The following PIEZO2 variants were observed in gnomAD, a reference collection of about 807,000 sequenced individuals.
The protein encoded by PIEZO2 is piezo-type mechanosensitive ion channel component 2.
A neutral mutation model predicts 337.3 loss-of-function variants in PIEZO2; 172 were observed. The observed-to-expected ratio is 0.51, with a 90% CI of 0.45 to 0.58. The LOEUF is 0.58. Among genes scored for constraint, PIEZO2 ranks in the 20% least tolerant of loss-of-function variants. The probability of loss-of-function intolerance (pLI) is 0.00; values close to 1 mark genes in which losing one functional copy is unlikely to be tolerated. For synonymous variants in PIEZO2, 1,251 were observed against 1,228.5 expected (o/e 1.02, Z -0.38); for missense variants, 3,028 against 3,391.3 (o/e 0.89, Z 2.66).
chr18:10,916,421 C>G (rs1261979486), intron 3 of PIEZO2, among the ~76,000 whole-genome samples: 1 of 152,162 alleles, frequency 6.6e-6, no homozygotes, highest in East Asian at 1.9e-4. Flanking sequence ...GGTCCGGAGC[C>G]CTTCCTCGAG....
rs1464449926 is a variant in PIEZO2, at chr18:10,744,192, T to C, written c.4464A>G (p.Val1488=). The C allele has an allele frequency of 6.5e-7, 1 of 1,537,028 alleles. No individual in the cohort carries two copies. The highest frequency in any genetic ancestry group is 1.2e-5 in the South Asian group (1 of 84,046). The stretch of plus-strand genomic sequence containing the variant: ...TCTTCTCTTCCTCAATTCTTGCCTT[T>C]ACAGCTTTTACAATTGTGGCCTGGA... ...ELFQATIVKA[V]KARIEEEKKS... is the part of the protein sequence containing the mutation. Residue 1488 remains valine (V), a synonymous_variant, in exon 31 of 56, where the codon GTA becomes GTG. Transcript: ENST00000674853.
Position 10,758,043 on chromosome 18 carries a change from AT to A in PIEZO2, c.3848del (p.Asn1283MetfsTer6). 1 of 1,537,208 alleles carries A rather than the reference AT, an allele frequency of 6.5e-7. No homozygotes were observed. Among genetic ancestry groups the A allele is most frequent in the African/African-American group, 1.4e-5 (1 of 73,106 alleles). ...KAAVRIMAGD[N>X]VEICMNLDAA... ...CATCAAGGTTCATGCAGATCTCGACATTGTCACCTGCCATGATTCGCACTGC... is the reference window on the plus strand; with the variant it reads ...CATCAAGGTTCATGCAGATCTCGACATGTCACCTGCCATGATTCGCACTGC... On this transcript the variant is annotated frameshift_variant, in exon 27 of 56. Transcript: ENST00000674853. LOFTEE classifies it high-confidence loss of function.
At position 10,848,396 on chromosome 18, in the gene PIEZO2, C is replaced by T. The variant is rs556128018; in HGVS notation, c.917+6957G>A. Among the ~76,000 whole-genome samples, 73 of 152,226 alleles carry T rather than the reference C, an allele frequency of 4.8e-4. No homozygotes were observed. The South Asian group carries it at 0.014, about 29-fold the overall frequency. ...GCTAGAATTTGAGGTTTTGCTGTTT[C>T]TTATTTTACATTGTTTTAACATTGA... On this transcript the variant is annotated intron_variant, in intron 7 of 55. Transcript: ENST00000674853.
chr18:11,046,736 T>C (rs1181808464), intron 2 of PIEZO2, among the ~76,000 whole-genome samples: 2 of 152,222 alleles, frequency 1.3e-5, no homozygotes, highest in African/African-American at 4.8e-5. Context: ...GTCGACCATT[T>C]AGTTCTGCAC....
chr18:10,762,408 AT>A, intron 23 of PIEZO2, 91 bp downstream of exon 23: 1 of 1,421,722 alleles, frequency 7.0e-7, no homozygotes, highest in Non-Finnish European at 9.3e-7. Flanking sequence ...TATGGTTACT[AT>A]CAAATGTGAT....
At chr18:10,919,337 T>C (rs2031231161) in intron 3 of PIEZO2, among the ~76,000 whole-genome samples, 1 of 152,130 alleles carries the variant, frequency 6.6e-6, no homozygotes, top group Admixed American at 6.5e-5. Context: ...CTGATGAATG[T>C]TTATCATGAT....
chr18:10,871,968 T>G (rs1255259489), intron 4 of PIEZO2, among the ~76,000 whole-genome samples: 1 of 152,176 alleles, frequency 6.6e-6, no homozygotes. Context: ...CTTAGAAGAT[T>G]TGAGTTCAAG....
chr18:10,833,505 T>C lies in PIEZO2; in HGVS notation c.917+21848A>G, dbSNP rs2040915117. On this transcript the variant is annotated intron_variant, in intron 7 of 55. Transcript: ENST00000674853. This position sits in a 1 kb window ranked among gnomAD's most constrained non-coding sequence, Gnocchi z 4.7. ...GGCAGCTCGCTCCCCGGTGGGTTTTTATTTCTGTTGGAGTTCAGAATAACC... is the reference window on the plus strand; with the variant it reads ...GGCAGCTCGCTCCCCGGTGGGTTTTCATTTCTGTTGGAGTTCAGAATAACC... Among the ~76,000 whole-genome samples the C allele has an allele frequency of 6.6e-6, 1 of 152,070 alleles. No homozygotes were observed. Among genetic ancestry groups the C allele is most frequent in the Admixed American group, 6.5e-5 (1 of 15,270 alleles).
At chr18:10,831,298 G>T (rs925682314) in intron 7 of PIEZO2, among the ~76,000 whole-genome samples, 17 of 152,228 alleles carry the variant, frequency 1.1e-4, no homozygotes, top group African/African-American at 4.1e-4. Flanking sequence ...CAGATGAATG[G>T]ATAAAGAAAA....
chr18:10,937,950 C>T (rs765928822), intron 3 of PIEZO2, among the ~76,000 whole-genome samples: 20 of 152,098 alleles, frequency 1.3e-4, no homozygotes, highest in African/African-American at 4.6e-4. Flanking sequence ...TTTCAGAGAA[C>T]GGAGTAGAGA....
chr18:11,006,905 T>C (rs933698644), intron 2 of PIEZO2, among the ~76,000 whole-genome samples: 13 of 152,218 alleles, frequency 8.5e-5, no homozygotes, highest in African/African-American at 2.9e-4. Flanking sequence ...CATGGGTACA[T>C]AATAGTTTGA....
intron 7 of PIEZO2, among the ~76,000 whole-genome samples, chr18:10,814,216 G>T (rs561352026): frequency 6.6e-6 from 1 of 151,920 alleles, no homozygotes. Context: ...TGATCTGCCC[G>T]CCTTGGCCTC....
At position 10,861,576 on chromosome 18, in the gene PIEZO2, GA is replaced by G. The variant is rs1178830553; in HGVS notation, c.493-4366del. On this transcript the variant is annotated intron_variant, in intron 5 of 55. Coordinates refer to ENST00000674853, the MANE Select transcript of PIEZO2 (RefSeq NM_001378183.1). This position sits in a 1 kb window ranked among gnomAD's most constrained non-coding sequence, Gnocchi z 4.3. ...GTTGCACTGATAGAAGTAGAGAGTA[GA>G]GGGGTAGTTACCAGAGGCTGGGGAA... is the stretch of plus-strand genomic sequence containing the variant. Among the ~76,000 whole-genome samples, 1 of 152,232 alleles carries G rather than the reference GA, an allele frequency of 6.6e-6. No homozygotes were observed. Among genetic ancestry groups the G allele is most frequent in the Non-Finnish European group, 1.5e-5 (1 of 68,040 alleles).
At chr18:10,823,579 A>G (rs1314241519) in intron 7 of PIEZO2, among the ~76,000 whole-genome samples, 3 of 152,360 alleles carry the variant, frequency 2.0e-5, no homozygotes, top group South Asian at 2.1e-4. Flanking sequence ...ATCCTCAAAT[A>G]TGCTTAGTTT....
intron 36 of PIEZO2, among the ~76,000 whole-genome samples, chr18:10,719,736 G>A (rs1049684075): frequency 6.6e-6 from 1 of 152,108 alleles, no homozygotes; most frequent in Non-Finnish European, 1.5e-5. Context: ...CTGCTGGATT[G>A]AAGGGTAGTT....
In PIEZO2 at chr18:10,741,097, C is replaced by T; in HGVS notation, c.4642G>A (p.Ala1548Thr). ...TTGCCCTTGGCTTTCTGTTTGTCTG[C>T]TTCTCCTAAAATAAAATACGTCCAC... ...KLSEEDDERE[A>T]DKQKAKGKKK... The change falls in exon 33 of 56, where the codon GCA becomes ACA. Residue 1548 changes from alanine to threonine, a missense_variant. Transcript: ENST00000674853. The T allele has an allele frequency of 6.5e-7, 1 of 1,535,276 alleles. No individual in the cohort carries two copies. Among genetic ancestry groups the T allele is most frequent in the South Asian group, 1.2e-5 (1 of 83,728 alleles).
chr18:10,685,544 G>A (rs1420936939), intron 49 of PIEZO2, among the ~76,000 whole-genome samples: 6 of 152,186 alleles, frequency 3.9e-5, no homozygotes, highest in Non-Finnish European at 7.4e-5. Flanking sequence ...ATTGGGAGGC[G>A]GGGTGGTGGC....
At chr18:10,725,535 G>T (rs2036499716) in intron 36 of PIEZO2, 1 of 1,391,824 alleles carries the variant, frequency 7.2e-7, no homozygotes, top group East Asian at 2.3e-5. Flanking sequence ...GGAAGGAGGG[G>T]CCCCACTAAC....
At chr18:10,755,387 G>A (rs1249412624) in intron 27 of PIEZO2, among the ~76,000 whole-genome samples, 2 of 152,158 alleles carry the variant, frequency 1.3e-5, no homozygotes, top group Non-Finnish European at 2.9e-5. Context: ...TAGGAAATTA[G>A]TCCCATGATA....
Sources: gnomAD v4.1 joint callset for allele counts (sites outside exome capture counted in the v4.1 genomes callset) on GRCh38, gnomAD v4.1.1 for gene constraint, Gnocchi (gnomAD v3.1) non-coding constraint, MANE v1.5 for transcripts, NCBI Gene and HGNC (gene_info 2026-07-23, HGNC 2026-07-21) for gene names.